Variants in CATSPER3 observed in about 807,000 individuals in gnomAD.
CATSPER3 encodes cation channel sperm-associated protein 3.
A neutral mutation model predicts 36.6 loss-of-function variants in CATSPER3; 23 were observed. The ratio of observed to expected loss-of-function variants is 0.63; its 90% CI spans 0.45 to 0.89. The LOEUF is 0.89. CATSPER3 is among the 40% of genes least tolerant of loss of function. The pLI, the probability that CATSPER3 is intolerant of heterozygous loss-of-function variation, is 0.00. For synonymous variants in CATSPER3, 172 were observed against 184.1 expected (o/e 0.93, Z 0.53); for missense variants, 474 against 503.9 (o/e 0.94, Z 0.57).
intron 2 of CATSPER3, among the ~76,000 whole-genome samples, chr5:134,985,439 G>A (rs1048964970): frequency 6.6e-6 from 1 of 152,102 alleles, no homozygotes; most frequent in African/African-American, 2.4e-5. Flanking sequence ...AACTCAGAAG[G>A]GGGAGGTTGG....
intron 3 of CATSPER3, 100 bp downstream of exon 3, chr5:134,996,612 T>G: frequency 8.3e-7 from 1 of 1,208,908 alleles, no homozygotes; most frequent in Admixed American, 1.8e-5. Flanking sequence ...CATCTTCCAG[T>G]TGTTGAGTCC....
chr5:135,008,526 T>C (rs994233810), intron 4 of CATSPER3, among the ~76,000 whole-genome samples: 2 of 152,136 alleles, frequency 1.3e-5, no homozygotes, highest in Admixed American at 6.5e-5. Flanking sequence ...CTAGATTCTG[T>C]TGGACTCTGG....
chr5:135,001,068 A>G (rs1348321266), intron 3 of CATSPER3, among the ~76,000 whole-genome samples: 2 of 152,214 alleles, frequency 1.3e-5, no homozygotes, highest in South Asian at 2.1e-4. Context: ...ATTTAGAGCT[A>G]TAAATTTCCC....
At chr5:134,984,893 C>G (rs1751791161) in intron 2 of CATSPER3, among the ~76,000 whole-genome samples, 1 of 151,514 alleles carries the variant, frequency 6.6e-6, no homozygotes, top group Admixed American at 6.6e-5. Flanking sequence ...GATCTCAGCT[C>G]CCTGAAACCT....
rs201208840 is a variant in CATSPER3 at position 134,996,466 on chromosome 5, A to G, written c.446A>G (p.Gln149Arg). The change falls in exon 3 of 8, where the codon CAG becomes CGG. Residue 149 changes from glutamine (Q) to arginine (R), a missense_variant. By Grantham distance (43) the Gln-to-Arg change is conservative. Coordinates refer to ENST00000282611, the MANE Select transcript of CATSPER3 (RefSeq NM_178019.3). ...TACCTGTATATCGCTGATGGCATGC[A>G]GTCCCTGCGCATCCTCAAGCTTATC... ...FTYLYIADGM[Q>R]SLRILKLIGY... 2 of 1,614,208 alleles carry G rather than the reference A, an allele frequency of 1.2e-6. No homozygotes were observed. The highest frequency in any genetic ancestry group is 2.7e-5 in the African/African-American group (2 of 75,068).
rs538103080 is a variant in CATSPER3, at chr5:134,979,700, G to A, written c.252+9608G>A. On this transcript the variant is annotated intron_variant, in intron 2 of 7. Transcript: ENST00000282611. Reference sequence around the variant, plus strand: ...CTTTGGATAAGTAGGACATTGAGAAGCTCCGGTGTATATGGAGAAATTTAG... The same window carrying A: ...CTTTGGATAAGTAGGACATTGAGAAACTCCGGTGTATATGGAGAAATTTAG... 2.4e-3 allele frequency among the ~76,000 whole-genome samples: 373 copies of A among 152,308 alleles called. 1 individual carries two copies. The highest frequency in any genetic ancestry group is 3.8e-3 in the Non-Finnish European group (259 of 68,018).
At position 134,996,511 on chromosome 5, in the gene CATSPER3, G is replaced by A. The variant is rs755662559; in HGVS notation, c.491G>A (p.Arg164Gln). The A allele has an allele frequency of 2.8e-5, 45 of 1,613,798 alleles. No individual in the cohort carries two copies. The highest frequency in any genetic ancestry group is 3.6e-5 in the Non-Finnish European group (43 of 1,180,012). The change falls in exon 3 of 8, where the codon CGG (arginine) becomes CAG (glutamine). Residue 164 changes from arginine (R) to glutamine (Q), a missense_variant and splice_region_variant. Transcript: ENST00000282611. ...LKLIGYSQGI[R>Q]TLITAVGQTV... Reference sequence around the variant, plus strand: ...CTTATCGGCTATAGCCAGGGCATCCGGGTGAGTGCACTGGGGGTGTCATGG... The same window carrying A: ...CTTATCGGCTATAGCCAGGGCATCCAGGTGAGTGCACTGGGGGTGTCATGG...
At chr5:134,970,984 C>T (rs1365737659) in intron 2 of CATSPER3, among the ~76,000 whole-genome samples, 2 of 152,038 alleles carry the variant, frequency 1.3e-5, no homozygotes, top group Non-Finnish European at 2.9e-5. Context: ...AAGTCTCGCT[C>T]TGTCACCCAG....
Position 134,981,020 on chromosome 5 carries a change from T to TTC in CATSPER3, c.252+10940_252+10941dup, listed in dbSNP as rs138608344. ...AGGCATGAGTTACAATGCCTGGCCT[T>TTC]TCTCTCTCTCTCTTGCTCTCTTTTT... On this transcript the variant is annotated intron_variant, in intron 2 of 7. Coordinates refer to ENST00000282611, the MANE Select transcript of CATSPER3 (RefSeq NM_178019.3). 7.9e-5 allele frequency among the ~76,000 whole-genome samples: 12 copies of TTC among 151,472 alleles called. No individual in the cohort carries two copies. The East Asian group carries it at 1.4e-3, about 17-fold the overall frequency.
chr5:134,977,920 G>A (rs1441296139), intron 2 of CATSPER3, among the ~76,000 whole-genome samples: 1 of 152,084 alleles, frequency 6.6e-6, no homozygotes, highest in African/African-American at 2.4e-5. Flanking sequence ...AAGAGAGAGA[G>A]GGGGGAACTG....
chr5:135,005,708 A>G (rs1486915257), intron 3 of CATSPER3, among the ~76,000 whole-genome samples: 1 of 152,246 alleles, frequency 6.6e-6, no homozygotes, highest in Non-Finnish European at 1.5e-5. Context: ...TCTGCCTTCT[A>G]CCTATGACAA....
intron 1 of CATSPER3, 116 bp downstream of exon 1, chr5:134,968,205 A>T: frequency 1.3e-6 from 1 of 761,880 alleles, no homozygotes; most frequent in East Asian, 2.7e-5. Flanking sequence ...TACCAAAATA[A>T]GTTGCATGTC....
In CATSPER3 at chr5:134,970,077, G is replaced by A. The variant is rs1371021988; in HGVS notation, c.237G>A (p.Leu79=). Residue 79 remains leucine (L), a synonymous_variant, in exon 2 of 8, where the codon TTG becomes TTA. Coordinates refer to ENST00000282611, the MANE Select transcript of CATSPER3 (RefSeq NM_178019.3). ...CCAGTTATGACATAAGGTACCGCTT[G>A]TTCAGACTTCTTGAGGTAAGCAGAC... The part of the protein sequence containing the change: ...LWTSYDIRYR[L]FRLLEFSEIF... The A allele has an allele frequency of 2.5e-6, 4 of 1,613,920 alleles. No homozygotes were observed. The highest frequency in any genetic ancestry group is 2.5e-6 in the Non-Finnish European group (3 of 1,179,970).
At chr5:135,010,557 G>A (rs1222274647) in intron 7 of CATSPER3, 27 bp downstream of exon 7, 1 of 1,609,762 alleles carries the variant, frequency 6.2e-7, no homozygotes, top group African/African-American at 1.3e-5. Flanking sequence ...GCCTTCCCTG[G>A]TCCCTAGGGC....
rs1034079960 is a variant in CATSPER3 at position 135,004,553 on chromosome 5, C to T, written c.493-3404C>T. Among the ~76,000 whole-genome samples the T allele has an allele frequency of 3.9e-5, 6 of 152,076 alleles. No individual in the cohort carries two copies. The South Asian group carries it at 8.3e-4, about 21-fold the overall frequency. On this transcript the variant is annotated intron_variant, in intron 3 of 7. Transcript: ENST00000282611. ...TCAGATGGGCACCCCAGAGTGAGGG[C>T]GGGATCTGGCAGTGGGAAGTGTAAT...
Position 134,969,958 on chromosome 5 carries a change from C to T in CATSPER3, c.118C>T (p.Arg40Trp), listed in dbSNP as rs774996033. ...KKFKRNDDEC[R>W]AFVKRVIMSR... ...TGACAGGAGGAACGATGATGAATGT[C>T]GGGCATTTGTGAAGAGAGTCATAAT... Residue 40 changes from arginine to tryptophan, a missense_variant, in exon 2 of 8, where the codon CGG becomes TGG. By Grantham distance (101) the Arg-to-Trp change is moderately radical. Coordinates refer to ENST00000282611, the MANE Select transcript of CATSPER3 (RefSeq NM_178019.3). 5.0e-6 allele frequency: 8 copies of T among 1,614,008 alleles called. No individual in the cohort carries two copies. The highest frequency in any genetic ancestry group is 2.2e-5 in the East Asian group (1 of 44,880).
At chr5:134,976,685 T>C (rs559345976) in intron 2 of CATSPER3, among the ~76,000 whole-genome samples, 6 of 152,364 alleles carry the variant, frequency 3.9e-5, no homozygotes, top group Non-Finnish European at 8.8e-5. Context: ...ACTGCTTTAG[T>C]AAAGGTTCTC....
At chr5:134,979,284 G>A (rs965613013) in intron 2 of CATSPER3, among the ~76,000 whole-genome samples, 4 of 152,106 alleles carry the variant, frequency 2.6e-5, no homozygotes, top group Non-Finnish European at 5.9e-5. Flanking sequence ...CCATAGGCAT[G>A]CACCATCATG....
intron 7 of CATSPER3, among the ~76,000 whole-genome samples, chr5:135,010,980 T>A (rs902758809): frequency 2.0e-5 from 3 of 152,180 alleles, no homozygotes; most frequent in Non-Finnish European, 4.4e-5. Context: ...TGTGAAGCTC[T>A]GAGTGTGGCC....
Sources: allele counts gnomAD v4.1 joint callset (sites outside exome capture counted in the v4.1 genomes callset), GRCh38; gene constraint gnomAD v4.1.1; transcripts MANE v1.5; gene names NCBI Gene and HGNC (gene_info 2026-07-23, HGNC 2026-07-21).